ATP6V0A4: variants seen among roughly 807,000 people sequenced by gnomAD.
ATP6V0A4 encodes the protein ATPase H+ transporting V0 subunit a4.
In ATP6V0A4, 86 loss-of-function variants were observed where a neutral mutation model predicts 107.3. The ratio of observed to expected loss-of-function variants is 0.80; its 90% CI spans 0.67 to 0.96. ATP6V0A4 has a LOEUF of 0.96. ATP6V0A4 is among the 40% of genes least tolerant of loss of function. The probability of loss-of-function intolerance (pLI) is 0.00; values close to 1 mark genes in which losing one functional copy is unlikely to be tolerated. For missense variants in ATP6V0A4, 908 were observed against 1,045.6 expected (o/e 0.87, Z 1.81); for synonymous variants, 353 against 381.4 (o/e 0.93, Z 0.87).
Position 138,773,908 on chromosome 7 carries a change from G to A in ATP6V0A4, c.-17-2644C>T, listed in dbSNP as rs1807520624. On this transcript the variant is annotated intron_variant, in intron 2 of 21. Coordinates refer to ENST00000310018, the MANE Select transcript of ATP6V0A4 (RefSeq NM_020632.3). This position sits in a 1 kb window ranked among gnomAD's most constrained non-coding sequence, Gnocchi z 5.4. ...CACGGAGCAGGGAGCCCCAGGTCTG[G>A]CAGCCCTCCGTGCTTGCTAGCAGTC... The A allele has an allele frequency of 6.6e-6, 1 of 152,282 alleles. No individual in the cohort carries two copies. The highest frequency in any genetic ancestry group is 2.4e-5 in the African/African-American group (1 of 41,466). The allele number at this position is 152,282 out of a possible 1,614,324, so 9.4% of individuals were successfully genotyped here. A position where few individuals can be genotyped will look rare whatever the true frequency, so the allele number is the denominator to read the frequency against.
At chr7:138,720,883 C>T (rs553752371) in intron 19 of ATP6V0A4, among the ~76,000 whole-genome samples, 11 of 152,214 alleles carry the variant, frequency 7.2e-5, no homozygotes, top group South Asian at 4.1e-4. Flanking sequence ...GTGATCCGCC[C>T]GCCTTGGCCT....
chr7:138,722,693 C>CA (rs2117214032), intron 18 of ATP6V0A4, among the ~76,000 whole-genome samples: 1 of 118,924 alleles, frequency 8.4e-6, no homozygotes, highest in East Asian at 2.7e-4. Context: ...TGCGGTGAGC[C>CA]AAGATCACGC....
At chr7:138,778,553 C>A (rs1017235969) in intron 2 of ATP6V0A4, among the ~76,000 whole-genome samples, 1 of 152,014 alleles carries the variant, frequency 6.6e-6, no homozygotes, top group Admixed American at 6.6e-5. Context: ...GGACTCAGTG[C>A]GGCAGAAGCC....
At chr7:138,794,321 A>G (rs1457821594) in intron 1 of ATP6V0A4, among the ~76,000 whole-genome samples, 3 of 152,170 alleles carry the variant, frequency 2.0e-5, no homozygotes, top group African/African-American at 7.2e-5. Context: ...CCCAAGTTCA[A>G]GGTGAGAGGT....
intron 18 of ATP6V0A4, among the ~76,000 whole-genome samples, chr7:138,726,135 G>C (rs562622537): frequency 6.6e-6 from 1 of 151,916 alleles, no homozygotes; most frequent in Non-Finnish European, 1.5e-5. Context: ...GACTACAGGC[G>C]CCCGCCACCA....
Position 138,747,406 on chromosome 7 carries a change from A to G in ATP6V0A4, c.1320+19T>C. The G allele has an allele frequency of 6.2e-7, 1 of 1,612,880 alleles. No homozygotes were observed. Among genetic ancestry groups the G allele is most frequent in the Non-Finnish European group, 8.5e-7 (1 of 1,178,866 alleles). ...TATTCTGAAAATGAATCAGGGCAAG[A>G]CGGTCAATGGACACTCACCTCATTG... On this transcript the variant is annotated intron_variant, in intron 13 of 21. Transcript: ENST00000310018.
rs941397403 is a variant in ATP6V0A4 at position 138,762,554 on chromosome 7, G to A, written c.418-120C>T. ...TTTAATTTTCCACAAAAAGTTAACA[G>A]AAGTCAGAAAACAGAGTGCTCCTGG... On this transcript the variant is annotated intron_variant, in intron 6 of 21. Transcript: ENST00000310018. 4 of 1,522,136 alleles carry A rather than the reference G, an allele frequency of 2.6e-6. No individual in the cohort carries two copies. The African/African-American group carries it at 4.2e-5, about 16-fold the overall frequency. The allele number at this position is 1,522,136 out of a possible 1,614,324, so 94.3% of individuals were successfully genotyped here.
chr7:138,771,060 A>G, intron 3 of ATP6V0A4, 71 bp downstream of exon 3: 1 of 1,396,842 alleles, frequency 7.2e-7, no homozygotes, highest in South Asian at 1.2e-5. Flanking sequence ...TTCACCATAA[A>G]GAAGTGTTGT....
At chr7:138,747,621 C>T in intron 12 of ATP6V0A4, 57 bp from the exon 13 acceptor site, 8 of 1,599,494 alleles carry the variant, frequency 5.0e-6, no homozygotes, top group African/African-American at 1.3e-5. Context: ...GGGCCCCCAC[C>T]TCAGATTCCC....
chr7:138,797,204 T>TTTTCTTTC lies in ATP6V0A4; in HGVS notation c.-121+829_-121+830insGAAAGAAA, dbSNP rs1428213187. The stretch of plus-strand genomic sequence containing the variant: ...CCTTCAAGGCCCAGGCCAAATGCCA[T>TTTTCTTTC]TTTCTTTTTTTTTTTTTTTTTTTTT... On this transcript the variant is annotated intron_variant, in intron 1 of 21. Transcript: ENST00000310018. Among the ~76,000 whole-genome samples the TTTTCTTTC allele has an allele frequency of 1.1e-3, 155 of 143,826 alleles. 4 individuals carry two copies. Among genetic ancestry groups the TTTTCTTTC allele is most frequent in the African/African-American group, 3.6e-3 (130 of 36,368 alleles). The allele number at this position is 143,826 out of a possible 152,430, so 94.4% of individuals were successfully genotyped here.
In ATP6V0A4 at chr7:138,730,917, T is replaced by G. The variant is rs368304988; in HGVS notation, c.1908+1960A>C. On this transcript the variant is annotated intron_variant, in intron 17 of 21. Coordinates refer to ENST00000310018, the MANE Select transcript of ATP6V0A4 (RefSeq NM_020632.3). The stretch of plus-strand genomic sequence containing the variant: ...TGAAAACCTGATTACAAGGCATTTT[T>G]TCTTCTTCTTCTTCTTTTTTTATTT... 6.8e-5 allele frequency among the ~76,000 whole-genome samples: 6 copies of G among 88,046 alleles called. No individual in the cohort carries two copies. In the East Asian group the frequency reaches 3.1e-3, roughly 45 times the overall value. The allele number at this position is 88,046 out of a possible 152,430, so 57.8% of individuals were successfully genotyped here.
At chr7:138,796,614 T>C (rs2130248026) in intron 1 of ATP6V0A4, among the ~76,000 whole-genome samples, 1 of 131,418 alleles carries the variant, frequency 7.6e-6, no homozygotes, top group Admixed American at 8.7e-5. Flanking sequence ...AACTCTAATC[T>C]GCACATACAA....
chr7:138,711,611 A>G (rs1803747580), intron 20 of ATP6V0A4, among the ~76,000 whole-genome samples: 1 of 152,204 alleles, frequency 6.6e-6, no homozygotes, highest in South Asian at 2.1e-4. Flanking sequence ...CTGCCCCCCA[A>G]GATCTGGTTT....
At chr7:138,784,142 C>T (rs1269243189) in intron 2 of ATP6V0A4, among the ~76,000 whole-genome samples, 1 of 149,858 alleles carries the variant, frequency 6.7e-6, no homozygotes, top group Non-Finnish European at 1.5e-5. Context: ...GATAATACAG[C>T]CTTATTTCTC....
intron 19 of ATP6V0A4, among the ~76,000 whole-genome samples, chr7:138,720,492 C>T (rs1165380268): frequency 2.0e-5 from 3 of 152,112 alleles, no homozygotes; most frequent in Non-Finnish European, 4.4e-5. Flanking sequence ...GGAGTCAGAA[C>T]ATGCGTGGGT....
At chr7:138,723,115 A>AGTG (rs901143935) in intron 18 of ATP6V0A4, among the ~76,000 whole-genome samples, 47 of 152,188 alleles carry the variant, frequency 3.1e-4, no homozygotes, top group African/African-American at 1.1e-3. Context: ...AAGGCTGGTA[A>AGTG]GTGGCAGAGC....
At chr7:138,715,916 G>T (rs200411300) in intron 19 of ATP6V0A4, 35 bp from the exon 20 acceptor site, 1 of 1,608,494 alleles carries the variant, frequency 6.2e-7, no homozygotes, top group East Asian at 2.2e-5. Flanking sequence ...ACTTCATTGA[G>T]AATTTTCTAC....
chr7:138,715,267 T>A, intron 20 of ATP6V0A4, among the ~76,000 whole-genome samples: 1 of 152,202 alleles, frequency 6.6e-6, no homozygotes, highest in East Asian at 1.9e-4. Flanking sequence ...AGTGATGTGA[T>A]CTCGGCTCAC....
At chr7:138,761,200 C>T (rs1806795301) in intron 7 of ATP6V0A4, among the ~76,000 whole-genome samples, 1 of 152,112 alleles carries the variant, frequency 6.6e-6, no homozygotes, top group African/African-American at 2.4e-5. Flanking sequence ...ATTAGCCTGG[C>T]ATTGTGCCTG....
Sources: gnomAD v4.1 joint callset for allele counts (sites outside exome capture counted in the v4.1 genomes callset) on GRCh38, gnomAD v4.1.1 for gene constraint, Gnocchi (gnomAD v3.1) non-coding constraint, MANE v1.5 for transcripts, NCBI Gene and HGNC (gene_info 2026-07-23, HGNC 2026-07-21) for gene names.